The following BCAS3 variants were observed in gnomAD, a reference collection of about 807,000 sequenced individuals.
BCAS3 encodes the protein BCAS3 microtubule associated cell migration factor.
BCAS3 carries 53 observed loss-of-function variants against 116.1 expected under a neutral mutation model. That is an observed-to-expected ratio of 0.46 (90% confidence interval 0.37 to 0.57). The LOEUF (loss-of-function observed/expected upper bound fraction) is 0.57, where lower values mean the gene tolerates loss of function less well. BCAS3 is among the 20% of genes least tolerant of loss of function. BCAS3 has a pLI of 0.00. For synonymous variants in BCAS3, 391 were observed against 408.2 expected (o/e 0.96, Z 0.51); for missense variants, 917 against 1,165.4 (o/e 0.79, Z 3.10).
intron 5 of BCAS3, among the ~76,000 whole-genome samples, chr17:60,740,378 G>A (rs1026129647): frequency 6.6e-6 from 1 of 151,312 alleles, no homozygotes; most frequent in African/African-American, 2.4e-5. Flanking sequence ...GGCACCTGTA[G>A]TCCCAGCTAC....
chr17:60,930,630 A>AT (rs2059595279), intron 13 of BCAS3, among the ~76,000 whole-genome samples: 1 of 151,762 alleles, frequency 6.6e-6, no homozygotes, highest in Non-Finnish European at 1.5e-5. Context: ...TAATTTTTGT[A>AT]TTTTTTTAGT....
intron 18 of BCAS3, among the ~76,000 whole-genome samples, chr17:61,039,551 T>C (rs1057242826): frequency 2.6e-5 from 4 of 151,988 alleles, no homozygotes; most frequent in Non-Finnish European, 5.9e-5. Flanking sequence ...GCCTCCTGAG[T>C]AGCTGGGACT....
intron 14 of BCAS3, among the ~76,000 whole-genome samples, chr17:60,952,624 CTTTTA>C (rs773851128): frequency 2.0e-5 from 3 of 152,026 alleles, no homozygotes; most frequent in Non-Finnish European, 2.9e-5. Context: ...CTGGCCTAAA[CTTTTA>C]TTTTAAGTTC....
At chr17:60,755,381 C>T (rs573639979) in intron 6 of BCAS3, among the ~76,000 whole-genome samples, 1 of 152,206 alleles carries the variant, frequency 6.6e-6, no homozygotes, top group Admixed American at 6.5e-5. Context: ...GTACCATTAT[C>T]CTAATTCACA....
At chr17:60,781,668 T>C (rs1267411643) in intron 6 of BCAS3, among the ~76,000 whole-genome samples, 1 of 152,132 alleles carries the variant, frequency 6.6e-6, no homozygotes, top group Non-Finnish European at 1.5e-5. Context: ...TTTCTTCTTA[T>C]TGTTTTTGTC....
At chr17:61,329,436 G>A (rs560140303) in intron 22 of BCAS3, among the ~76,000 whole-genome samples, 14 of 150,390 alleles carry the variant, frequency 9.3e-5, no homozygotes, top group Non-Finnish European at 1.9e-4. Context: ...CGCCTCCCGA[G>A]TTCACGCCAT....
intron 14 of BCAS3, among the ~76,000 whole-genome samples, chr17:60,968,093 G>T (rs2061755188): frequency 6.6e-6 from 1 of 152,014 alleles, no homozygotes; most frequent in Non-Finnish European, 1.5e-5. Flanking sequence ...CATTGGAGAG[G>T]TCATAATTCC....
chr17:61,257,420 CAAA>C (rs35124459), intron 22 of BCAS3, among the ~76,000 whole-genome samples: 4 of 57,214 alleles, frequency 7.0e-5, no homozygotes, highest in Admixed American at 2.1e-4. Flanking sequence ...GACTCCATCT[CAAA>C]AAAAAAAAAA....
chr17:61,185,118 A>C (rs1042789451), intron 22 of BCAS3, among the ~76,000 whole-genome samples: 1 of 152,124 alleles, frequency 6.6e-6, no homozygotes, highest in Admixed American at 6.5e-5. Context: ...AAAGCTGGTT[A>C]AAACAACAGT....
At chr17:61,247,074 C>T (rs753135645) in intron 22 of BCAS3, among the ~76,000 whole-genome samples, 49 of 152,122 alleles carry the variant, frequency 3.2e-4, no homozygotes, top group Non-Finnish European at 6.6e-4. Flanking sequence ...ATTAATTTCA[C>T]TGCTACTTTC....
intron 1 of BCAS3, 74 bp from the exon 2 acceptor site, chr17:60,679,379 T>C (rs943127753): frequency 5.2e-6 from 6 of 1,159,956 alleles, no homozygotes; most frequent in South Asian, 2.8e-5. Flanking sequence ...TGAGTAATCA[T>C]AAATCTTCCT....
chr17:60,953,166 G>A (rs552503722), intron 14 of BCAS3, among the ~76,000 whole-genome samples: 9 of 152,174 alleles, frequency 5.9e-5, no homozygotes, highest in African/African-American at 1.4e-4. Flanking sequence ...TGGCAATTCC[G>A]TTTTTAGCTC....
intron 2 of BCAS3, among the ~76,000 whole-genome samples, chr17:60,681,389 A>G (rs2033082706): frequency 6.6e-6 from 1 of 151,686 alleles, no homozygotes; most frequent in South Asian, 2.1e-4. Context: ...AATCCCAGCT[A>G]CTTGGGAGGC....
chr17:60,841,745 C>G (rs2051951781), intron 7 of BCAS3, among the ~76,000 whole-genome samples: 1 of 151,922 alleles, frequency 6.6e-6, no homozygotes, highest in African/African-American at 2.4e-5. Flanking sequence ...TACCTTAGGT[C>G]TTACAGGCTG....
chr17:60,846,770 C>T (rs2052575125), intron 7 of BCAS3, among the ~76,000 whole-genome samples: 1 of 152,014 alleles, frequency 6.6e-6, no homozygotes, highest in Admixed American at 6.6e-5. Flanking sequence ...TCCCTCCCTT[C>T]ATTCCTTCTT....
chr17:61,368,515 C>G lies in BCAS3; in HGVS notation c.2593+21C>G. The G allele has an allele frequency of 1.3e-6, 2 of 1,579,852 alleles. No homozygotes were observed. The highest frequency in any genetic ancestry group is 8.7e-7 in the Non-Finnish European group (1 of 1,154,170). On this transcript the variant is annotated intron_variant, in intron 23 of 23. Coordinates refer to ENST00000407086, the MANE Select transcript of BCAS3 (RefSeq NM_017679.5). The surrounding 1 kb of genome is among the most constrained non-coding windows in gnomAD (Gnocchi z 6.0). Reference sequence around the variant, plus strand: ...AACAGGTAAAGGTGTCATCAGACTTCTAGCCTGATTTGGTCAGGACCAGCA... The same window carrying G: ...AACAGGTAAAGGTGTCATCAGACTTGTAGCCTGATTTGGTCAGGACCAGCA...
At chr17:61,306,446 C>T (rs1475844279) in intron 22 of BCAS3, among the ~76,000 whole-genome samples, 1 of 152,146 alleles carries the variant, frequency 6.6e-6, no homozygotes, top group Non-Finnish European at 1.5e-5. Context: ...GTGGAAAGTA[C>T]TCAATAGCAC....
Position 61,285,318 on chromosome 17 carries a change from C to T in BCAS3, c.2426-83009C>T, listed in dbSNP as rs1421840057. Among the ~76,000 whole-genome samples, 3 of 151,982 alleles carry T rather than the reference C, an allele frequency of 2.0e-5. No homozygotes were observed. Among genetic ancestry groups the T allele is most frequent in the Non-Finnish European group, 4.4e-5 (3 of 68,028 alleles). On this transcript the variant is annotated intron_variant, in intron 22 of 23. Transcript: ENST00000407086. The surrounding 1 kb of genome is among the most constrained non-coding windows in gnomAD (Gnocchi z 5.4). Reference sequence around the variant, plus strand: ...AATACAACAGTGCACGGCAGAGTCCCTGCTAATAAATGTATATAAAAGAAC... The same window carrying T: ...AATACAACAGTGCACGGCAGAGTCCTTGCTAATAAATGTATATAAAAGAAC...
intron 19 of BCAS3, among the ~76,000 whole-genome samples, chr17:61,044,465 A>AAAAAAAAAAAAAAAAAAAAATATAT: frequency 1.7e-5 from 2 of 120,124 alleles, no homozygotes; most frequent in African/African-American, 1.0e-4. Flanking sequence ...AAAAAAAAAA[A>AAAAAAAAAAAAAAAAAAAAATATAT]ATATATATAT....
Sources: allele counts gnomAD v4.1 joint callset (sites outside exome capture counted in the v4.1 genomes callset), GRCh38; gene constraint gnomAD v4.1.1; non-coding constraint Gnocchi (gnomAD v3.1); transcripts MANE v1.5; gene names NCBI Gene and HGNC (gene_info 2026-07-23, HGNC 2026-07-21).